Variants in PCDHGB6 observed in about 807,000 individuals in gnomAD.
The protein encoded by PCDHGB6 is protocadherin gamma subfamily B, 6.
A neutral mutation model predicts 59.1 loss-of-function variants in PCDHGB6; 51 were observed. That is an observed-to-expected ratio of 0.86 (90% CI 0.69 to 1.09). The LOEUF is 1.09. Ranked by LOEUF, PCDHGB6 falls within the 50% of genes least tolerant of loss-of-function variation. PCDHGB6 has a pLI of 0.00. For missense variants in PCDHGB6, 1,148 were observed against 1,205.1 expected, an observed-to-expected ratio of 0.95 and a Z score of 0.70; for synonymous variants, 466 against 495.1, an observed-to-expected ratio of 0.94 and a Z score of 0.78.
intron 1 of PCDHGB6, chr5:141,415,542 T>C (rs770960227): frequency 1.2e-5 from 19 of 1,614,056 alleles, no homozygotes; most frequent in Non-Finnish European, 9.3e-6. Context: ...AGGAGAGCTG[T>C]GAGAAAAACG....
intron 1 of PCDHGB6, among the ~76,000 whole-genome samples, chr5:141,447,321 G>C (rs148203274): frequency 3.9e-5 from 6 of 152,068 alleles, no homozygotes; most frequent in Admixed American, 6.5e-5. Flanking sequence ...TGTATTTTTA[G>C]TAGAGACGGG....
rs530356030 is a variant in PCDHGB6 at position 141,426,463 on chromosome 5, GATTT to G, written c.2418+15847_2418+15850del. 309 of 318,428 alleles carry G rather than the reference GATTT, an allele frequency of 9.7e-4. 2 individuals are homozygous for G. Among genetic ancestry groups the G allele is most frequent in the Non-Finnish European group, 1.6e-3 (252 of 160,518 alleles). 19.7% of individuals were successfully genotyped at this position (318,428 alleles called of 1,614,324 possible). A position where few individuals can be genotyped will look rare whatever the true frequency, so the allele number is the denominator to read the frequency against. ...GGAGGACATGCGGCTGCATGTTCAGGATTTATTGACCTGAAACCTTAGAGTTAGT... is the reference window on the plus strand; with the variant it reads ...GGAGGACATGCGGCTGCATGTTCAGGATTGACCTGAAACCTTAGAGTTAGT... On this transcript the variant is annotated intron_variant, in intron 1 of 3. Transcript: ENST00000520790.
chr5:141,423,009 G>T (rs371209178), intron 1 of PCDHGB6: 3 of 1,614,222 alleles, frequency 1.9e-6, no homozygotes, highest in Non-Finnish European at 2.5e-6. Context: ...AGGTGGTTGC[G>T]GTGGACAAAG....
chr5:141,412,918 G>A (rs893690519), intron 1 of PCDHGB6: 17 of 414,102 alleles, frequency 4.1e-5, no homozygotes, highest in Non-Finnish European at 5.5e-5. Context: ...TATCACTTGG[G>A]TGCAGTAACT....
chr5:141,476,979 G>T lies in PCDHGB6; in HGVS notation c.2419-17828G>T. The T allele has an allele frequency of 1.2e-6, 2 of 1,614,238 alleles. No individual in the cohort carries two copies. The highest frequency in any genetic ancestry group is 1.7e-6 in the Non-Finnish European group (2 of 1,180,042). The stretch of plus-strand genomic sequence containing the variant: ...ATTTACTCCTTCGGCAGCCACAACC[G>T]CGCCGGCGTGCGGCAACTATTCGCC... On this transcript the variant is annotated intron_variant, in intron 1 of 3. Coordinates refer to ENST00000520790, the MANE Select transcript of PCDHGB6 (RefSeq NM_018926.3). This position sits in a 1 kb window ranked among gnomAD's most constrained non-coding sequence, Gnocchi z 7.6.
At chr5:141,505,852 G>A (rs2099848673) in intron 3 of PCDHGB6, among the ~76,000 whole-genome samples, 1 of 152,140 alleles carries the variant, frequency 6.6e-6, no homozygotes, top group African/African-American at 2.4e-5. Context: ...TAGAAAGTGG[G>A]GACAGGGACC....
At chr5:141,422,100 A>G (rs1019775470) in intron 1 of PCDHGB6, 2 of 1,609,786 alleles carry the variant, frequency 1.2e-6, no homozygotes, top group Non-Finnish European at 1.7e-6. Context: ...AGGCTTCTGA[A>G]ATATTCCAAT....
At chr5:141,420,210 A>T (rs1415966611) in intron 1 of PCDHGB6, 1 of 1,612,612 alleles carries the variant, frequency 6.2e-7, no homozygotes, top group East Asian at 2.2e-5. Flanking sequence ...CTCAACAAAG[A>T]TAGCATGCTA....
At chr5:141,412,980 A>G (rs2095595071) in intron 1 of PCDHGB6, 2 of 543,674 alleles carry the variant, frequency 3.7e-6, no homozygotes, top group Non-Finnish European at 6.3e-6. Flanking sequence ...AAACGCAGCC[A>G]GAGCTCAATC....
rs755254491 is a variant in PCDHGB6, at chr5:141,409,746, T to TCG, written c.1548_1549dup (p.Gln517ArgfsTer31). On this transcript the variant is annotated frameshift_variant, in exon 1 of 4. Transcript: ENST00000520790. LOFTEE classifies it high-confidence loss of function. ...GTGAGCGCGCAGAGCGGGGTGGTGT[T>TCG]CGCGCAGCGCGCCTTTGATCACGAG... The TCG allele has an allele frequency of 3.1e-6, 5 of 1,613,024 alleles. No homozygotes were observed. The South Asian group carries it at 5.5e-5, about 18-fold the overall frequency.
At chr5:141,443,790 T>A (rs1178101439) in intron 1 of PCDHGB6, among the ~76,000 whole-genome samples, 2 of 151,832 alleles carry the variant, frequency 1.3e-5, no homozygotes, top group Admixed American at 6.6e-5. Flanking sequence ...ACAAAAAAAA[T>A]GAAAAGGAAA....
Position 141,408,869 on chromosome 5 carries a change from A to T in PCDHGB6, c.667A>T (p.Ser223Cys). 6.2e-7 allele frequency: 1 copy of T among 1,613,690 alleles called. No homozygotes were observed. The highest frequency in any genetic ancestry group is 8.5e-7 in the Non-Finnish European group (1 of 1,179,828). The part of the protein sequence containing the change: ...TALDGGDPPR[S>C]ATAHIEISVK... ...CTTGGACGGAGGGGACCCACCAAGA[A>T]GTGCCACCGCTCACATAGAAATTTC... The change falls in exon 1 of 4, where the codon AGT becomes TGT. Residue 223 changes from serine to cysteine, a missense_variant. Around this residue, in one of 5 missense-constraint regions of PCDHGB6, gnomAD observed 307 missense variants for 323.8 expected, o/e 0.95. Transcript: ENST00000520790.
At chr5:141,460,465 AAAGG>A (rs2098989932) in intron 1 of PCDHGB6, among the ~76,000 whole-genome samples, 1 of 152,088 alleles carries the variant, frequency 6.6e-6, no homozygotes, top group Non-Finnish European at 1.5e-5. Context: ...ATTTTTTTCC[AAAGG>A]AATATCCAAT....
intron 1 of PCDHGB6, chr5:141,419,942 G>A: frequency 6.2e-7 from 1 of 1,614,070 alleles, no homozygotes. Context: ...CCTGGTGGTG[G>A]CCTTGGCCTT....
intron 3 of PCDHGB6, among the ~76,000 whole-genome samples, chr5:141,506,781 T>C (rs965408564): frequency 1.4e-4 from 22 of 152,168 alleles, no homozygotes; most frequent in African/African-American, 5.3e-4. Context: ...CCTGGGCTTA[T>C]AAGGAGGCTG....
chr5:141,419,259 C>A (rs765877993), intron 1 of PCDHGB6: 11 of 1,614,016 alleles, frequency 6.8e-6, no homozygotes, highest in Non-Finnish European at 9.3e-6. Flanking sequence ...AACAACCAGC[C>A]GGGTGCCTCC....
chr5:141,416,378 A>C (rs2096019434), intron 1 of PCDHGB6: 1 of 152,230 alleles, frequency 6.6e-6, no homozygotes, highest in South Asian at 2.1e-4. Flanking sequence ...GAAATTAAGA[A>C]TATTTGGGAT....
Position 141,485,274 on chromosome 5 carries a change from C to A in PCDHGB6, c.2419-9533C>A. 1 of 1,614,106 alleles carries A rather than the reference C, an allele frequency of 6.2e-7. No homozygotes were observed. The highest frequency in any genetic ancestry group is 1.3e-5 in the African/African-American group (1 of 75,036). ...TACGTTTGTGGGCAGATCCGCTACC[C>A]GGTCCCAGAGGAGTCACAGGAAGGG... On this transcript the variant is annotated intron_variant, in intron 1 of 3. Transcript: ENST00000520790. The surrounding 1 kb of genome is among the most constrained non-coding windows in gnomAD (Gnocchi z 5.7).
chr5:141,432,178 T>C lies in PCDHGB6; in HGVS notation c.2418+21558T>C. Reference sequence around the variant, plus strand: ...ATCCCAGAGGAGTTTCCCTCGTCTCTGTGACCGCCCACGACCCCGACTGTG... The same window carrying C: ...ATCCCAGAGGAGTTTCCCTCGTCTCCGTGACCGCCCACGACCCCGACTGTG... On this transcript the variant is annotated intron_variant, in intron 1 of 3. Transcript: ENST00000520790. The surrounding 1 kb of genome is among the most constrained non-coding windows in gnomAD (Gnocchi z 6.0). 6.2e-7 allele frequency: 1 copy of C among 1,614,184 alleles called. No individual in the cohort carries two copies. The highest frequency in any genetic ancestry group is 8.5e-7 in the Non-Finnish European group (1 of 1,180,036).
Sources: allele counts gnomAD v4.1 joint callset (sites outside exome capture counted in the v4.1 genomes callset), GRCh38; gene constraint gnomAD v4.1.1; regional missense constraint gnomAD v4.1.1; non-coding constraint Gnocchi (gnomAD v3.1); transcripts MANE v1.5; gene names NCBI Gene and HGNC (gene_info 2026-07-23, HGNC 2026-07-21).